Variants in ANKRD11 observed in about 807,000 individuals in gnomAD.
The protein encoded by ANKRD11 is ankyrin repeat domain 11, also known as ankyrin repeat domain-containing protein 11.
Under a neutral mutation model 195.7 loss-of-function variants are expected in ANKRD11, and 17 were observed. The observed-to-expected ratio is 0.09, with a 90% CI of 0.06 to 0.13. The LOEUF (loss-of-function observed/expected upper bound fraction) is 0.13, where lower values mean the gene tolerates loss of function less well. Ranked by LOEUF, ANKRD11 falls within the 10% of genes least tolerant of loss-of-function variation. The pLI, the probability that ANKRD11 is intolerant of heterozygous loss-of-function variation, is 1.00. For synonymous variants in ANKRD11, 1,953 were observed against 1,528.1 expected (o/e 1.28, Z -6.49); for missense variants, 3,735 against 3,566.1 (o/e 1.05, Z -1.21).
At chr16:89,289,342 T>TG (rs900453662) in intron 6 of ANKRD11, among the ~76,000 whole-genome samples, 1 of 152,230 alleles carries the variant, frequency 6.6e-6, no homozygotes, top group Non-Finnish European at 1.5e-5. Context: ...CCAGGGCAGT[T>TG]GGAGAAATCT....
Position 89,282,093 on chromosome 16 carries a change from C to T in ANKRD11, c.4449G>A (p.Gly1483=), listed in dbSNP as rs150899675. ...KERHRDRHAD[G]LLRHHRDELL... is the part of the protein sequence containing the mutation. ...GCTCGTCCCTGTGATGCCGCAGCAG[C>T]CCATCCGCATGCCTGTCCCGGTGCC... is the stretch of plus-strand genomic sequence containing the variant. The change falls in exon 9 of 13, where the codon GGG becomes GGA. Residue 1483 remains glycine, a synonymous_variant. Transcript: ENST00000301030. 24 of 1,613,884 alleles carry T rather than the reference C, an allele frequency of 1.5e-5. No individual in the cohort carries two copies. The African/African-American group carries it at 2.8e-4, about 19-fold the overall frequency.
At chr16:89,338,674 A>G (rs1414005601) in intron 2 of ANKRD11, among the ~76,000 whole-genome samples, 1 of 147,492 alleles carries the variant, frequency 6.8e-6, no homozygotes, top group Non-Finnish European at 1.5e-5. Context: ...GCAGTGAGCC[A>G]AGATCACGCC....
chr16:89,396,709 CGGAGTTTTACTCTGTCGCCCAGGCT>C (rs2041448896), intron 2 of ANKRD11, among the ~76,000 whole-genome samples: 2 of 152,098 alleles, frequency 1.3e-5, no homozygotes, highest in East Asian at 3.8e-4. Context: ...GTTTTTGGGA[CGGAGTTTTACTCTGTCGCCCAGGCT>C]GGAGTGCAAT....
chr16:89,365,766 A>T (rs2039919898), intron 2 of ANKRD11, among the ~76,000 whole-genome samples: 2 of 152,018 alleles, frequency 1.3e-5, no homozygotes, highest in African/African-American at 4.8e-5. Context: ...ACGTAGGTAA[A>T]CTTGTGTCAT....
In ANKRD11 at chr16:89,288,621, C is replaced by T. The variant is rs768461388; in HGVS notation, c.651G>A (p.Ala217=). ...EACNRGYYDV[A]KQLLAAGAEV... ...CCGCACCTGCAGCCAGCAGCTGCTT[C>T]GCGACGTCGTAGTAGCCCCGGTTAC... The change falls in exon 7 of 13, where the codon GCG becomes GCA. Residue 217 remains alanine (A), a synonymous_variant. Coordinates refer to ENST00000301030, the MANE Select transcript of ANKRD11 (RefSeq NM_013275.6). The T allele has an allele frequency of 4.1e-5, 66 of 1,613,980 alleles. 1 individual carries two copies. Among genetic ancestry groups the T allele is most frequent in the Middle Eastern group, 1.6e-4 (1 of 6,084 alleles).
At chr16:89,290,239 CTCCAGCGGGGGGTAGGCTCAG>C (rs2034943193) in intron 6 of ANKRD11, among the ~76,000 whole-genome samples, 1 of 22,332 alleles carries the variant, frequency 4.5e-5, no homozygotes, top group African/African-American at 1.5e-4. Flanking sequence ...AGGCTCAGGG[CTCCAGCGGGGGGTAGGCTCAG>C]GGCTCCAATG....
rs1312739816 is a variant in ANKRD11, at chr16:89,268,538, C to A, written c.7932G>T (p.Val2644=). The A allele has an allele frequency of 1.4e-6, 2 of 1,470,294 alleles. No individual in the cohort carries two copies. The highest frequency in any genetic ancestry group is 3.9e-5 in the Admixed American group (2 of 50,638). The allele number at this position is 1,470,294 out of a possible 1,614,324, so 91.1% of individuals were successfully genotyped here. ...AGHKSLCVNE[V]PSFYVPMVDV... is the part of the protein sequence containing the mutation. ...CGACCATGGGCACGTAGAAGGAGGG[C>A]ACCTCGTTCACGCACAGGGACTTGT... The change falls in exon 13 of 13, where the codon GTG becomes GTT. Residue 2644 remains valine (V), a synonymous_variant. Coordinates refer to ENST00000301030, the MANE Select transcript of ANKRD11 (RefSeq NM_013275.6).
chr16:89,405,475 C>G (rs1458989692), intron 2 of ANKRD11, among the ~76,000 whole-genome samples: 1 of 151,514 alleles, frequency 6.6e-6, no homozygotes, highest in Non-Finnish European at 1.5e-5. Context: ...CAGGCACGTG[C>G]CACCACACCT....
chr16:89,459,401 A>C (rs1294489493), intron 1 of ANKRD11: 1 of 152,218 alleles, frequency 6.6e-6, no homozygotes, highest in Admixed American at 6.5e-5. Flanking sequence ...CCTGTTGATG[A>C]AGTTTTTCTG....
At chr16:89,327,288 G>GA (rs2037787422) in intron 2 of ANKRD11, among the ~76,000 whole-genome samples, 1 of 152,136 alleles carries the variant, frequency 6.6e-6, no homozygotes, top group African/African-American at 2.4e-5. Flanking sequence ...AAATTCCTAG[G>GA]AAAACAGGAG....
At chr16:89,415,967 C>T (rs1458802013) in intron 2 of ANKRD11, among the ~76,000 whole-genome samples, 1 of 151,976 alleles carries the variant, frequency 6.6e-6, no homozygotes, top group Non-Finnish European at 1.5e-5. Flanking sequence ...TCTGTAGCAA[C>T]ACTGCAGTCT....
rs756275140 is a variant in ANKRD11 at position 89,305,352 on chromosome 16, A to G, written c.88-8T>C. On this transcript the variant is annotated splice_polypyrimidine_tract_variant and splice_region_variant and intron_variant, in intron 3 of 12. Coordinates refer to ENST00000301030, the MANE Select transcript of ANKRD11 (RefSeq NM_013275.6). ...AGAAACTTTATCTTTATCCTAGAAA[A>G]GAAAGGGATGCTTTCAGTCGTGATG... 1 of 1,613,922 alleles carries G rather than the reference A, an allele frequency of 6.2e-7. No individual in the cohort carries two copies. Among genetic ancestry groups the G allele is most frequent in the Admixed American group, 1.7e-5 (1 of 60,010 alleles).
intron 2 of ANKRD11, among the ~76,000 whole-genome samples, chr16:89,336,364 G>T (rs74033773): frequency 6.6e-6 from 1 of 152,216 alleles, no homozygotes; most frequent in East Asian, 1.9e-4. Context: ...AGAGGCGGGT[G>T]TGCGTCCACA....
At chr16:89,449,186 A>G (rs1054097207) in intron 1 of ANKRD11, among the ~76,000 whole-genome samples, 1 of 132,880 alleles carries the variant, frequency 7.5e-6, no homozygotes, top group African/African-American at 2.7e-5. Flanking sequence ...CCCAGTCTCT[A>G]CAAAAAAAAA....
At chr16:89,487,580 C>G (rs192047749) in intron 1 of ANKRD11, among the ~76,000 whole-genome samples, 1 of 152,146 alleles carries the variant, frequency 6.6e-6, no homozygotes, top group East Asian at 1.9e-4. Flanking sequence ...TCAAGACCAG[C>G]GTGGCCAACA....
chr16:89,451,000 C>A lies in ANKRD11; in HGVS notation c.-144-32632G>T, dbSNP rs527700552. Among the ~76,000 whole-genome samples, 7 of 152,264 alleles carry A rather than the reference C, an allele frequency of 4.6e-5. No individual in the cohort carries two copies. In the South Asian group the frequency reaches 1.5e-3, roughly 32 times the overall value. ...GGTGATCGGGGTGATCAGAGGTGAG[C>A]AAAGCACTGTTTCTGTAAAGTTTTA... On this transcript the variant is annotated intron_variant, in intron 1 of 12. Coordinates refer to ENST00000301030, the MANE Select transcript of ANKRD11 (RefSeq NM_013275.6).
intron 9 of ANKRD11, 110 bp downstream of exon 9, chr16:89,278,962 G>A (rs528799949): frequency 6.6e-7 from 1 of 1,506,592 alleles, no homozygotes; most frequent in East Asian, 2.4e-5. Flanking sequence ...AAGGTCGAGA[G>A]AGGTCAAGGG....
At chr16:89,368,371 GTTTTTTTTTTTTTTTTTT>G (rs71134210) in intron 2 of ANKRD11, among the ~76,000 whole-genome samples, 12 of 56,596 alleles carry the variant, frequency 2.1e-4, no homozygotes, top group Non-Finnish European at 4.1e-4. Flanking sequence ...TAATTTTTGT[GTTTTTTTTTTTTTTTTTT>G]TTTTTTTTTT....
chr16:89,414,329 C>G lies in ANKRD11; in HGVS notation c.-60+3955G>C, dbSNP rs959446787. Among the ~76,000 whole-genome samples, 4 of 152,170 alleles carry G rather than the reference C, an allele frequency of 2.6e-5. No homozygotes were observed. In the South Asian group the frequency reaches 8.3e-4, roughly 31 times the overall value. On this transcript the variant is annotated intron_variant, in intron 2 of 12. Transcript: ENST00000301030. ...TGAAAGTCCCATTTCACAGCAAGCA[C>G]AAATGGAACACCCACATGTTGCAAG...
Sources: gnomAD v4.1 joint callset for allele counts (sites outside exome capture counted in the v4.1 genomes callset) on GRCh38, gnomAD v4.1.1 for gene constraint, MANE v1.5 for transcripts, NCBI Gene and HGNC (gene_info 2026-07-23, HGNC 2026-07-21) for gene names.